The following PNPLA7 variants were observed in gnomAD, a reference collection of about 807,000 sequenced individuals.
PNPLA7 encodes patatin like domain 7, lysophospholipase.
A neutral mutation model predicts 161.7 loss-of-function variants in PNPLA7; 153 were observed. That is an observed-to-expected ratio of 0.95 (90% CI 0.83 to 1.08). The LOEUF (loss-of-function observed/expected upper bound fraction) is 1.08, where lower values mean the gene tolerates loss of function less well. Ranked by LOEUF, PNPLA7 falls within the 50% of genes least tolerant of loss-of-function variation. PNPLA7 has a pLI of 0.00. For missense variants in PNPLA7, 1,739 were observed against 1,856.6 expected (o/e 0.94, Z 1.16); for synonymous variants, 809 against 782.1 (o/e 1.03, Z -0.57).
chr9:137,493,234 A>T (rs940389805), intron 19 of PNPLA7, 152 bp from the exon 20 acceptor site: 43 of 781,756 alleles, frequency 5.5e-5, no homozygotes, highest in Non-Finnish European at 1.1e-5. Flanking sequence ...CATGACTCAC[A>T]AGCCACGTGC....
Position 137,490,068 on chromosome 9 carries a change from G to A in PNPLA7, c.2197+2945C>T, listed in dbSNP as rs180884878. 2.1e-4 allele frequency among the ~76,000 whole-genome samples: 32 copies of A among 152,320 alleles called. No individual in the cohort carries two copies. Among genetic ancestry groups the A allele is most frequent in the Non-Finnish European group, 4.4e-4 (30 of 68,024 alleles). Reference sequence around the variant, plus strand: ...TCAGACACTTCCAAATCACATTTCTGAAAACTAAAGACAGAGAAAAACACC... The same window carrying A: ...TCAGACACTTCCAAATCACATTTCTAAAAACTAAAGACAGAGAAAAACACC... On this transcript the variant is annotated intron_variant, in intron 20 of 34. Coordinates refer to ENST00000406427, the MANE Select transcript of PNPLA7 (RefSeq NM_001098537.3). This position sits in a 1 kb window ranked among gnomAD's most constrained non-coding sequence, Gnocchi z 4.1.
chr9:137,472,149 T>C (rs1831735410), intron 25 of PNPLA7, among the ~76,000 whole-genome samples: 1 of 151,840 alleles, frequency 6.6e-6, no homozygotes, highest in Non-Finnish European at 1.5e-5. Context: ...GCAGGGCCAC[T>C]GGATCTGATG....
At chr9:137,463,554 C>A in intron 28 of PNPLA7, 23 bp from the exon 29 acceptor site, 2 of 1,535,528 alleles carry the variant, frequency 1.3e-6, no homozygotes, top group East Asian at 4.7e-5. Context: ...CCCGGAGCTG[C>A]TGGTTACCCG....
Position 137,543,663 on chromosome 9 carries a change from G to C in PNPLA7, c.365+61C>G, listed in dbSNP as rs1836336508. On this transcript the variant is annotated intron_variant, in intron 5 of 34. Transcript: ENST00000406427. This position sits in a 1 kb window ranked among gnomAD's most constrained non-coding sequence, Gnocchi z 6.9. ...CTGACACACCAGGCAGCTCAGGGTT[G>C]GGGAGGCCAGCACCATGGGGGGCAC... 3 of 1,611,554 alleles carry C rather than the reference G, an allele frequency of 1.9e-6. No individual in the cohort carries two copies. The highest frequency in any genetic ancestry group is 2.7e-5 in the African/African-American group (2 of 75,046).
In PNPLA7 at chr9:137,483,646, G is replaced by A. The variant is rs12345175; in HGVS notation, c.2347+941C>T. ...TAATTTTTGTATTTTTAGTAGAAAC[G>A]GGGTTTCACCATGTTGGCCAGGCTT... is the stretch of plus-strand genomic sequence containing the variant. On this transcript the variant is annotated intron_variant, in intron 21 of 34. Transcript: ENST00000406427. Among the ~76,000 whole-genome samples, 1,343 of 151,874 alleles carry A rather than the reference G, an allele frequency of 8.8e-3. 18 individuals are homozygous for A. Among genetic ancestry groups the A allele is most frequent in the African/African-American group, 0.031 (1,280 of 41,404 alleles).
chr9:137,531,859 TCTAAC>T (rs1290609556), intron 8 of PNPLA7, among the ~76,000 whole-genome samples: 1 of 152,126 alleles, frequency 6.6e-6, no homozygotes, highest in African/African-American at 2.4e-5. Context: ...GCAGTGTGCA[TCTAAC>T]CTGTGTTCTA....
intron 11 of PNPLA7, among the ~76,000 whole-genome samples, chr9:137,518,986 C>T (rs557411425): frequency 8.4e-5 from 12 of 142,100 alleles, no homozygotes; most frequent in East Asian, 2.1e-4. Flanking sequence ...ACTCCATCCC[C>T]CACTCACTCA....
chr9:137,519,360 A>G (rs1021297863), intron 11 of PNPLA7, among the ~76,000 whole-genome samples: 2 of 152,222 alleles, frequency 1.3e-5, no homozygotes, highest in African/African-American at 2.4e-5. Flanking sequence ...GTGAGAGCCC[A>G]TCGCGGGAGG....
intron 8 of PNPLA7, among the ~76,000 whole-genome samples, chr9:137,529,656 G>GTT (rs542511786): frequency 6.1e-4 from 73 of 119,120 alleles, no homozygotes; most frequent in African/African-American, 6.6e-4. Flanking sequence ...TTGAATCTTT[G>GTT]TTTTTTTTTT....
chr9:137,543,763 C>T lies in PNPLA7; in HGVS notation c.326G>A (p.Arg109Gln), dbSNP rs778587367. Residue 109 changes from arginine to glutamine, a missense_variant, in exon 5 of 35, where the codon CGG (arginine) becomes CAG (glutamine). By Grantham distance (43) the Arg-to-Gln change is conservative. Coordinates refer to ENST00000406427, the MANE Select transcript of PNPLA7 (RefSeq NM_001098537.3). This position sits in a 1 kb window ranked among gnomAD's most constrained non-coding sequence, Gnocchi z 6.9. ...LVENTALPRQ[R>Q]ARKRTKVLSL... is the part of the protein sequence containing the mutation. ...CAGCACCTTGGTCCTCTTCCTGGCC[C>T]GCTGCCGGGGCAGGGCAGTGTTCTC... 1.5e-5 allele frequency: 24 copies of T among 1,613,960 alleles called. No homozygotes were observed. Among genetic ancestry groups the T allele is most frequent in the South Asian group, 5.5e-5 (5 of 91,080 alleles).
In PNPLA7 at chr9:137,499,834, G is replaced by A. The variant is rs1833283293; in HGVS notation, c.1757+857C>T. ...CTGCTGTGCTTCCACTGACCTTCAG[G>A]CTTCTGACCTCTCCTGCTGCCCAAC... On this transcript the variant is annotated intron_variant, in intron 16 of 34. Coordinates refer to ENST00000406427, the MANE Select transcript of PNPLA7 (RefSeq NM_001098537.3). The surrounding 1 kb of genome is among the most constrained non-coding windows in gnomAD (Gnocchi z 5.5). Among the ~76,000 whole-genome samples the A allele has an allele frequency of 6.6e-6, 1 of 152,242 alleles. No homozygotes were observed. The highest frequency in any genetic ancestry group is 1.9e-4 in the East Asian group (1 of 5,194).
At chr9:137,483,022 G>T (rs534587796) in intron 21 of PNPLA7, among the ~76,000 whole-genome samples, 1 of 152,118 alleles carries the variant, frequency 6.6e-6, no homozygotes, top group African/African-American at 2.4e-5. Flanking sequence ...ACAGGAGCCT[G>T]CCAACAAGCC....
intron 4 of PNPLA7, among the ~76,000 whole-genome samples, chr9:137,545,506 G>A (rs1836450294): frequency 6.6e-6 from 1 of 152,156 alleles, no homozygotes; most frequent in Non-Finnish European, 1.5e-5. Context: ...CCACTCTGGG[G>A]GCCGACAGGG....
chr9:137,500,717 C>T lies in PNPLA7; in HGVS notation c.1731G>A (p.Leu577=), dbSNP rs1275886023. Residue 577 remains leucine (L), a synonymous_variant, in exon 16 of 35, where the codon CTG becomes CTA. Transcript: ENST00000406427. This position sits in a 1 kb window ranked among gnomAD's most constrained non-coding sequence, Gnocchi z 5.5. ...TVKANRDCSF[L]SISKAHFYEI... ...CATAGAAGTGGGCCTTGGAGATGGA[C>T]AGGAAGCTGCAGTCCCTGTTGGCCT... 3.7e-6 allele frequency: 6 copies of T among 1,612,384 alleles called. No homozygotes were observed. The highest frequency in any genetic ancestry group is 5.1e-6 in the Non-Finnish European group (6 of 1,179,826).
At chr9:137,512,931 C>G (rs1422854695) in intron 12 of PNPLA7, among the ~76,000 whole-genome samples, 4 of 150,264 alleles carry the variant, frequency 2.7e-5, no homozygotes, top group South Asian at 2.1e-4. Context: ...CCACTGCACT[C>G]TAGCCTGGGC....
intron 22 of PNPLA7, 121 bp from the exon 23 acceptor site, chr9:137,480,601 C>G (rs1832168413): frequency 8.8e-7 from 1 of 1,142,480 alleles, no homozygotes; most frequent in Non-Finnish European, 1.2e-6. Context: ...CCTCCCTGCC[C>G]AGCACTTCCT....
intron 10 of PNPLA7, 37 bp downstream of exon 10, chr9:137,521,599 G>T (rs1237771668): frequency 4.5e-5 from 72 of 1,598,594 alleles, no homozygotes; most frequent in Non-Finnish European, 6.0e-5. Flanking sequence ...CAGCTGCATG[G>T]AGCAGCATGG....
intron 11 of PNPLA7, among the ~76,000 whole-genome samples, chr9:137,519,091 C>T (rs570273149): frequency 6.6e-6 from 1 of 152,094 alleles, no homozygotes; most frequent in South Asian, 2.1e-4. Flanking sequence ...CCATCCCCCA[C>T]TCACTCACTC....
intron 25 of PNPLA7, among the ~76,000 whole-genome samples, chr9:137,470,093 A>C (rs1831642304): frequency 6.6e-6 from 1 of 152,024 alleles, no homozygotes; most frequent in Admixed American, 6.5e-5. Context: ...GTGTGATCAC[A>C]GCTCACTGCA....
Sources: gnomAD v4.1 joint callset for allele counts (sites outside exome capture counted in the v4.1 genomes callset) on GRCh38, gnomAD v4.1.1 for gene constraint, Gnocchi (gnomAD v3.1) non-coding constraint, MANE v1.5 for transcripts, NCBI Gene and HGNC (gene_info 2026-07-23, HGNC 2026-07-21) for gene names.